The following CNTNAP5 variants were observed in gnomAD, a reference collection of about 807,000 sequenced individuals.
The protein encoded by CNTNAP5 is contactin associated protein family member 5.
Under a neutral mutation model 150.2 loss-of-function variants are expected in CNTNAP5, and 72 were observed. The observed-to-expected ratio is 0.48, with a 90% CI of 0.40 to 0.58. The LOEUF (loss-of-function observed/expected upper bound fraction) is 0.58, where lower values mean the gene tolerates loss of function less well. Ranked by LOEUF, CNTNAP5 falls within the 20% of genes least tolerant of loss-of-function variation. CNTNAP5 has a pLI of 0.00. For synonymous variants in CNTNAP5, 672 were observed against 619.8 expected, an observed-to-expected ratio of 1.08 and a Z score of -1.25; for missense variants, 1,636 against 1,626.2, an observed-to-expected ratio of 1.01 and a Z score of -0.10.
At chr2:124,158,075 A>G (rs564539595) in intron 1 of CNTNAP5, among the ~76,000 whole-genome samples, 1 of 152,312 alleles carries the variant, frequency 6.6e-6, no homozygotes, top group African/African-American at 2.4e-5. Flanking sequence ...GGTCTTGTTA[A>G]CATTGGTGGG....
chr2:124,192,468 G>A (rs1685482457), intron 1 of CNTNAP5, among the ~76,000 whole-genome samples: 1 of 152,128 alleles, frequency 6.6e-6, no homozygotes, highest in South Asian at 2.1e-4. Flanking sequence ...CCTGAGGACA[G>A]TATCTTAACT....
At position 124,872,692 on chromosome 2, in the gene CNTNAP5, A is replaced by G. The variant is rs1038198959; in HGVS notation, c.3436+2930A>G. On this transcript the variant is annotated intron_variant, in intron 21 of 23. Coordinates refer to ENST00000682447, the MANE Select transcript of CNTNAP5 (RefSeq NM_001367498.1). ...TATTAATATCATTAACCAAATTAAA[A>G]CACCCTTAGAAAGAGGGAAAATGTG... 2.6e-5 allele frequency among the ~76,000 whole-genome samples: 4 copies of G among 151,950 alleles called. No individual in the cohort carries two copies. In the East Asian group the frequency reaches 7.8e-4, roughly 30 times the overall value.
At chr2:124,572,087 T>C (rs1696177642) in intron 11 of CNTNAP5, among the ~76,000 whole-genome samples, 1 of 152,154 alleles carries the variant, frequency 6.6e-6, no homozygotes, top group African/African-American at 2.4e-5. Context: ...ATCTAGGTGA[T>C]TCAAAAGCAT....
chr2:124,689,925 GGT>G (rs1173621025), intron 13 of CNTNAP5, among the ~76,000 whole-genome samples: 1 of 151,928 alleles, frequency 6.6e-6, no homozygotes, highest in Non-Finnish European at 1.5e-5. Context: ...AGGGAAAGGG[GGT>G]GTTCAGAAGG....
At chr2:124,640,197 C>T (rs1047831831) in intron 12 of CNTNAP5, among the ~76,000 whole-genome samples, 3 of 152,112 alleles carry the variant, frequency 2.0e-5, no homozygotes, top group South Asian at 2.1e-4. Context: ...ACCACTACCC[C>T]CTAAGACCAT....
intron 11 of CNTNAP5, among the ~76,000 whole-genome samples, chr2:124,586,091 G>C (rs1455251383): frequency 6.6e-6 from 1 of 152,120 alleles, no homozygotes; most frequent in Non-Finnish European, 1.5e-5. Context: ...ACTTCCTATA[G>C]TAGGACTTCT....
chr2:124,339,480 T>C (rs532627463), intron 3 of CNTNAP5, among the ~76,000 whole-genome samples: 2 of 152,276 alleles, frequency 1.3e-5, no homozygotes, highest in East Asian at 3.9e-4. Flanking sequence ...AATAATGATA[T>C]GGTAAACTGG....
At chr2:124,311,999 G>A (rs187366418) in intron 3 of CNTNAP5, among the ~76,000 whole-genome samples, 4 of 152,284 alleles carry the variant, frequency 2.6e-5, no homozygotes, top group Admixed American at 2.6e-4. Context: ...TGAAATAATG[G>A]TAGAATGTGA....
chr2:124,578,630 A>G (rs1008760830), intron 11 of CNTNAP5, among the ~76,000 whole-genome samples: 2 of 152,008 alleles, frequency 1.3e-5, no homozygotes, highest in Admixed American at 6.6e-5. Flanking sequence ...AAATTAGCCA[A>G]GCACGGTGGT....
chr2:124,190,111 CAT>C (rs1390943470), intron 1 of CNTNAP5, among the ~76,000 whole-genome samples: 1 of 152,172 alleles, frequency 6.6e-6, no homozygotes, highest in Non-Finnish European at 1.5e-5. Context: ...TTACAACCTT[CAT>C]ATGTTTTGCT....
intron 21 of CNTNAP5, among the ~76,000 whole-genome samples, chr2:124,900,455 C>T (rs1227671550): frequency 6.6e-6 from 1 of 151,366 alleles, no homozygotes; most frequent in Non-Finnish European, 1.5e-5. Flanking sequence ...TTGTTCTTTG[C>T]ATTTCTTTTC....
intron 14 of CNTNAP5, among the ~76,000 whole-genome samples, chr2:124,757,498 G>A (rs1283846483): frequency 2.0e-5 from 3 of 152,188 alleles, no homozygotes; most frequent in South Asian, 4.1e-4. Context: ...TGGGAGACCC[G>A]TGTTGGAGCA....
chr2:124,782,441 G>A (rs1327729744), intron 17 of CNTNAP5, among the ~76,000 whole-genome samples: 1 of 152,120 alleles, frequency 6.6e-6, no homozygotes, highest in Non-Finnish European at 1.5e-5. Flanking sequence ...TGTACTAGAA[G>A]GTCATGTGGA....
chr2:124,356,660 T>C (rs1182851432), intron 3 of CNTNAP5, among the ~76,000 whole-genome samples: 2 of 152,170 alleles, frequency 1.3e-5, no homozygotes, highest in Non-Finnish European at 2.9e-5. Context: ...GGCTGCATAG[T>C]ATTCCATGGT....
chr2:124,549,307 G>A (rs990563278), intron 10 of CNTNAP5, among the ~76,000 whole-genome samples: 2 of 152,182 alleles, frequency 1.3e-5, no homozygotes, highest in African/African-American at 4.8e-5. Context: ...GGGATAATAA[G>A]ATCCAGAGGG....
intron 8 of CNTNAP5, among the ~76,000 whole-genome samples, chr2:124,515,708 C>T (rs572251419): frequency 3.3e-5 from 5 of 152,228 alleles, no homozygotes; most frequent in South Asian, 4.2e-4. Flanking sequence ...GTAAGGGTAG[C>T]GTATAGGTGG....
intron 1 of CNTNAP5, among the ~76,000 whole-genome samples, chr2:124,171,858 A>G (rs1409462743): frequency 1.3e-5 from 2 of 152,132 alleles, no homozygotes; most frequent in Admixed American, 6.5e-5. Context: ...CCTCACTTAG[A>G]TGTAAGCCAG....
chr2:124,357,024 T>C (rs1254893588), intron 3 of CNTNAP5, among the ~76,000 whole-genome samples: 1 of 152,154 alleles, frequency 6.6e-6, no homozygotes, highest in African/African-American at 2.4e-5. Context: ...TGGTATCTCA[T>C]TGTGGTTTTG....
chr2:124,468,253 G>A (rs1693427567), intron 6 of CNTNAP5, among the ~76,000 whole-genome samples: 1 of 152,126 alleles, frequency 6.6e-6, no homozygotes, highest in Non-Finnish European at 1.5e-5. Flanking sequence ...TTGTCTGAAA[G>A]TTGAAGATCA....
Sources: allele counts gnomAD v4.1 joint callset (sites outside exome capture counted in the v4.1 genomes callset), GRCh38; gene constraint gnomAD v4.1.1; transcripts MANE v1.5; gene names NCBI Gene and HGNC (gene_info 2026-07-23, HGNC 2026-07-21).